Variants in CPD observed in about 807,000 individuals in gnomAD.
CPD encodes the protein carboxypeptidase D.
In CPD, 69 loss-of-function variants were observed where a neutral mutation model predicts 138.3. That is an observed-to-expected ratio of 0.50 (90% CI 0.41 to 0.61). The LOEUF (loss-of-function observed/expected upper bound fraction) is 0.61. Ranked by LOEUF, CPD falls within the 20% of genes least tolerant of loss-of-function variation. CPD has a pLI of 0.00. For synonymous variants in CPD, 651 were observed against 642.1 expected, an observed-to-expected ratio of 1.01 and a Z score of -0.21; for missense variants, 1,432 against 1,733.3, an observed-to-expected ratio of 0.83 and a Z score of 3.09.
At chr17:30,386,708 T>G (rs11080125) in intron 2 of CPD, among the ~76,000 whole-genome samples, 74,785 of 152,088 alleles carry the variant, frequency 0.49, 18,876 homozygotes, top group East Asian at 0.83. Flanking sequence ...TTATACAATA[T>G]TCTTCCTTTT....
chr17:30,460,982 C>T (rs370949739), intron 17 of CPD, among the ~76,000 whole-genome samples, 198 bp from the exon 18 acceptor site: 1,922 of 152,312 alleles, frequency 0.013, 33 homozygotes, highest in African/African-American at 0.044. Flanking sequence ...AGCCCCTGTC[C>T]TCAAGGGCTC....
At chr17:30,431,917 T>G in intron 8 of CPD, 36 bp downstream of exon 8, 1 of 1,357,822 alleles carries the variant, frequency 7.4e-7, no homozygotes, top group Non-Finnish European at 1.0e-6. Context: ...GTTACAAAAT[T>G]AATTCTTTTA....
Position 30,378,987 on chromosome 17 carries a change from AGCG to A in CPD, c.10_12del (p.Gly4del), listed in dbSNP as rs753623889. ...TTAGCGGCGCTGCTGGAAGATGGCG[AGCG>A]GCCGGGACGAGCGGCCGCCTTGGCG... On this transcript the variant is annotated inframe_deletion, in exon 1 of 21. Transcript: ENST00000225719. The A allele has an allele frequency of 2.0e-6, 3 of 1,533,288 alleles. No homozygotes were observed. In the Admixed American group the frequency reaches 5.9e-5, roughly 30 times the overall value. 95.0% of individuals were successfully genotyped at this position (1,533,288 alleles called of 1,614,324 possible). A position where few individuals can be genotyped will look rare whatever the true frequency, so the allele number is the denominator to read the frequency against.
chr17:30,460,758 C>T (rs1913449813), intron 17 of CPD, among the ~76,000 whole-genome samples: 1 of 152,128 alleles, frequency 6.6e-6, no homozygotes, highest in Non-Finnish European at 1.5e-5. Context: ...ATATTGTCAC[C>T]AGCAGGGGTC....
At chr17:30,436,464 ATCTGAATGGACATTTC>A (rs1912701948) in intron 8 of CPD, among the ~76,000 whole-genome samples, 1 of 152,238 alleles carries the variant, frequency 6.6e-6, no homozygotes, top group Admixed American at 6.5e-5. Flanking sequence ...TAGGCAAAGG[ATCTGAATGGACATTTC>A]TCTGAAGAAG....
At chr17:30,442,485 C>T (rs765161617) in intron 10 of CPD, 35 bp downstream of exon 10, 7 of 1,597,116 alleles carry the variant, frequency 4.4e-6, no homozygotes, top group East Asian at 2.3e-5. Context: ...AAATTTCTCC[C>T]GAGGGTGAAA....
intron 8 of CPD, 113 bp downstream of exon 8, chr17:30,431,994 CT>C: frequency 1.4e-6 from 1 of 700,068 alleles, no homozygotes; most frequent in Non-Finnish European, 2.3e-6. Flanking sequence ...TAAAGCATGA[CT>C]TTTTCAGCTG....
intron 2 of CPD, among the ~76,000 whole-genome samples, chr17:30,398,220 T>TAATAGAATAG (rs1174955145): frequency 9.2e-6 from 1 of 108,628 alleles, no homozygotes; most frequent in Admixed American, 9.4e-5. Flanking sequence ...TAGAACAGAA[T>TAATAGAATAG]AATAGAATAG....
In CPD at chr17:30,379,750, C is replaced by T. The variant is rs751489515; in HGVS notation, c.746+24C>T. The stretch of plus-strand genomic sequence containing the variant: ...AAGTGAGTGTTGCCTGCCCCCTCCC[C>T]GTCCGTGTGAGCCTCCAAGGGCCGA... On this transcript the variant is annotated intron_variant, in intron 1 of 20. Transcript: ENST00000225719. The surrounding 1 kb of genome is among the most constrained non-coding windows in gnomAD (Gnocchi z 7.0). 4.2e-6 allele frequency: 6 copies of T among 1,417,176 alleles called. No homozygotes were observed. The highest frequency in any genetic ancestry group is 1.5e-5 in the South Asian group (1 of 65,466). The allele number at this position is 1,417,176 out of a possible 1,614,324, so 87.8% of individuals were successfully genotyped here.
intron 2 of CPD, among the ~76,000 whole-genome samples, chr17:30,400,822 TA>T (rs1911639955): frequency 6.8e-6 from 1 of 147,724 alleles, no homozygotes; most frequent in Non-Finnish European, 1.5e-5. Context: ...CACGCCCGGT[TA>T]ATTTTTTTTT....
rs1911599114 is a variant in CPD at position 30,399,582 on chromosome 17, C to T, written c.994+14346C>T. ...GTCCCTCTTTATCTCTGGCATTTTT[C>T]CTTGCTCTGAAGTCTATTTTACCTG... On this transcript the variant is annotated intron_variant, in intron 2 of 20. Transcript: ENST00000225719. Among the ~76,000 whole-genome samples, 3 of 152,002 alleles carry T rather than the reference C, an allele frequency of 2.0e-5. 1 individual carries two copies. Among genetic ancestry groups the T allele is most frequent in the Admixed American group, 2.0e-4 (3 of 15,256 alleles).
intron 17 of CPD, among the ~76,000 whole-genome samples, chr17:30,460,479 TA>T (rs1913441398): frequency 6.6e-6 from 1 of 152,132 alleles, no homozygotes; most frequent in African/African-American, 2.4e-5. Flanking sequence ...TAGGTTATGC[TA>T]GTGGCAACGA....
chr17:30,449,694 G>T lies in CPD; in HGVS notation c.3015G>T (p.Leu1005Phe). 6.3e-7 allele frequency: 1 copy of T among 1,592,978 alleles called. No homozygotes were observed. The highest frequency in any genetic ancestry group is 1.2e-5 in the South Asian group (1 of 86,478). ...GNAPVGTELLLALAEFLCLNY... is the reference protein window; with the variant it reads ...GNAPVGTELLFALAEFLCLNY... ...CGCCAGTTGGAACTGAACTGCTTTTGGCTCTGGCAGAATTTCTCTGCCTGA... is the reference window on the plus strand; with the variant it reads ...CGCCAGTTGGAACTGAACTGCTTTTTGCTCTGGCAGAATTTCTCTGCCTGA... Residue 1005 changes from leucine (L) to phenylalanine (F), a missense_variant, in exon 13 of 21, where the codon TTG becomes TTT. By Grantham distance (22) the Leu-to-Phe change is conservative. This residue lies in a region of CPD where 366 missense variants were observed against 518.8 expected (regional missense o/e 0.71). Coordinates refer to ENST00000225719, the MANE Select transcript of CPD (RefSeq NM_001304.5).
intron 8 of CPD, among the ~76,000 whole-genome samples, chr17:30,437,083 C>T (rs1401741492): frequency 7.1e-6 from 1 of 140,816 alleles, no homozygotes. Flanking sequence ...CCCATAGAGA[C>T]AGAAAGTAGA....
Position 30,427,380 on chromosome 17 carries a change from A to C in CPD, c.1850-11A>C. 1.9e-6 allele frequency: 3 copies of C among 1,612,794 alleles called. No individual in the cohort carries two copies. The highest frequency in any genetic ancestry group is 1.7e-6 in the Non-Finnish European group (2 of 1,178,794). ...ATGGCTTATATTCAAATCCTTTATC[A>C]TATCATACAGGAGATTCAATAAGTG... On this transcript the variant is annotated splice_polypyrimidine_tract_variant and intron_variant, in intron 6 of 20. Transcript: ENST00000225719.
At chr17:30,391,384 A>G (rs1218865560) in intron 2 of CPD, among the ~76,000 whole-genome samples, 1 of 152,208 alleles carries the variant, frequency 6.6e-6, no homozygotes, top group Non-Finnish European at 1.5e-5. Context: ...TGGGCAAAAT[A>G]ATGAGACCCT....
chr17:30,464,881 C>G lies in CPD; in HGVS notation c.*67C>G. 8.1e-7 allele frequency: 1 copy of G among 1,232,212 alleles called. No individual in the cohort carries two copies. Among genetic ancestry groups the G allele is most frequent in the Non-Finnish European group, 1.2e-6 (1 of 842,006 alleles). The allele number at this position is 1,232,212 out of a possible 1,614,324, so 76.3% of individuals were successfully genotyped here. ...AATTACAGTTCCTCTTGGGAGAACA[C>G]TGCATTAAGAAGAGAGACTCTCTTG... On this transcript the variant is annotated 3_prime_UTR_variant, in exon 21 of 21. Coordinates refer to ENST00000225719, the MANE Select transcript of CPD (RefSeq NM_001304.5).
At chr17:30,420,062 C>T (rs1912225242) in intron 2 of CPD, among the ~76,000 whole-genome samples, 1 of 152,142 alleles carries the variant, frequency 6.6e-6, no homozygotes, top group African/African-American at 2.4e-5. Context: ...CCACTAAAAA[C>T]AAGATGTGAG....
At chr17:30,448,375 A>T (rs146185733) in intron 12 of CPD, among the ~76,000 whole-genome samples, 109 of 152,276 alleles carry the variant, frequency 7.2e-4, no homozygotes, top group African/African-American at 2.5e-3. Context: ...ACAAACAAAA[A>T]TTGGGCATTA....
Sources: allele counts gnomAD v4.1 joint callset (sites outside exome capture counted in the v4.1 genomes callset), GRCh38; gene constraint gnomAD v4.1.1; regional missense constraint gnomAD v4.1.1; non-coding constraint Gnocchi (gnomAD v3.1); transcripts MANE v1.5; gene names NCBI Gene and HGNC (gene_info 2026-07-23, HGNC 2026-07-21).